The following MED12L variants were observed in gnomAD, a reference collection of about 807,000 sequenced individuals.
MED12L encodes mediator of RNA polymerase II transcription subunit 12-like protein.
MED12L carries 60 observed loss-of-function variants against 281.3 expected under a neutral mutation model. The ratio of observed to expected loss-of-function variants is 0.21; its 90% confidence interval spans 0.17 to 0.26. The LOEUF (loss-of-function observed/expected upper bound fraction) is 0.26. Among genes scored for constraint, MED12L ranks in the 10% least tolerant of loss-of-function variants. MED12L has a pLI of 1.00. For missense variants in MED12L, 2,146 were observed against 2,680.9 expected, an observed-to-expected ratio of 0.80 and a Z score of 4.41; for synonymous variants, 974 against 987.2, an observed-to-expected ratio of 0.99 and a Z score of 0.25.
chr3:151,360,726 T>C, intron 21 of MED12L, 121 bp downstream of exon 21: 5 of 838,128 alleles, frequency 6.0e-6, no homozygotes, highest in Non-Finnish European at 7.5e-6. Context: ...TATTAGGCAG[T>C]AATTTTGATA....
intron 3 of MED12L, 94 bp downstream of exon 3, chr3:151,116,536 C>A: frequency 1.3e-6 from 1 of 784,810 alleles, no homozygotes; most frequent in Non-Finnish European, 2.1e-6. Context: ...GTTGTTTAAG[C>A]CACAGTCCAT....
At chr3:151,171,018 A>G (rs938142964) in intron 11 of MED12L, among the ~76,000 whole-genome samples, 1 of 152,220 alleles carries the variant, frequency 6.6e-6, no homozygotes, top group Non-Finnish European at 1.5e-5. Context: ...TCCTGATTTT[A>G]AAATACTGTG....
chr3:151,290,705 A>G (rs1186388294), intron 16 of MED12L, among the ~76,000 whole-genome samples: 3 of 151,714 alleles, frequency 2.0e-5, no homozygotes, highest in African/African-American at 7.3e-5. Flanking sequence ...GCATTTCCAT[A>G]TTACACTGAA....
chr3:151,174,443 T>C (rs956421846), intron 11 of MED12L, among the ~76,000 whole-genome samples: 1 of 152,174 alleles, frequency 6.6e-6, no homozygotes, highest in Admixed American at 6.5e-5. Context: ...AAAAAATTAG[T>C]TGATTTAAAT....
intron 16 of MED12L, among the ~76,000 whole-genome samples, chr3:151,309,529 C>A (rs1036042750): frequency 3.3e-5 from 5 of 152,194 alleles, no homozygotes. Context: ...ACCCTCCTTA[C>A]CTTGCATTTT....
intron 16 of MED12L, among the ~76,000 whole-genome samples, chr3:151,276,582 A>G (rs1741895725): frequency 6.6e-6 from 1 of 152,192 alleles, no homozygotes; most frequent in African/African-American, 2.4e-5. Context: ...CTGGGGCCAA[A>G]TGGAATAAAC....
In MED12L at chr3:151,382,757, T is replaced by A; in HGVS notation, c.4680+12T>A. The A allele has an allele frequency of 6.3e-7, 1 of 1,593,982 alleles. No individual in the cohort carries two copies. Among genetic ancestry groups the A allele is most frequent in the Non-Finnish European group, 8.6e-7 (1 of 1,166,700 alleles). ...TCCGCCTAAATTTGGTAAGTGACATTTCTAGTATTTTCCCTCCATTAAACA... is the reference window on the plus strand; with the variant it reads ...TCCGCCTAAATTTGGTAAGTGACATATCTAGTATTTTCCCTCCATTAAACA... On this transcript the variant is annotated intron_variant, in intron 33 of 44. Transcript: ENST00000687756.
intron 2 of MED12L, among the ~76,000 whole-genome samples, chr3:151,113,931 T>A (rs184125829): frequency 6.6e-6 from 1 of 152,334 alleles, no homozygotes; most frequent in African/African-American, 2.4e-5. Context: ...TTCTTCTTGA[T>A]TAGGCCAGAA....
chr3:151,160,716 C>T (rs138631140), intron 8 of MED12L, among the ~76,000 whole-genome samples: 3 of 152,318 alleles, frequency 2.0e-5, no homozygotes, highest in Non-Finnish European at 4.4e-5. Flanking sequence ...ACATGGTCTC[C>T]ACTCTCAGAG....
rs71138494 is a variant in MED12L at position 151,334,196 on chromosome 3, C to CT, written c.2251-15852dup. 1.1e-3 allele frequency among the ~76,000 whole-genome samples: 134 copies of CT among 118,206 alleles called. 9 individuals carry two copies. In the East Asian group the frequency reaches 0.019, roughly 17 times the overall value. 77.5% of individuals were successfully genotyped at this position (118,206 alleles called of 152,430 possible). On this transcript the variant is annotated intron_variant, in intron 16 of 44. Coordinates refer to ENST00000687756, the MANE Select transcript of MED12L (RefSeq NM_001393769.1). ...TTATGTGTTTTTTCTTTCTTTCTTT[C>CT]TTTTTTTTTTTGCCATTTCTATTTC...
At chr3:151,113,709 G>A (rs1012316826) in intron 2 of MED12L, among the ~76,000 whole-genome samples, 3 of 152,176 alleles carry the variant, frequency 2.0e-5, no homozygotes, top group African/African-American at 7.2e-5. Flanking sequence ...CCTAGTTTGA[G>A]GAAAATCTGA....
At chr3:151,204,798 T>G (rs1036106105) in intron 16 of MED12L, among the ~76,000 whole-genome samples, 1 of 152,166 alleles carries the variant, frequency 6.6e-6, no homozygotes, top group African/African-American at 2.4e-5. Context: ...TTTTGACAGT[T>G]TCTGTTTTGC....
At chr3:151,123,526 C>T (rs1714075590) in intron 4 of MED12L, among the ~76,000 whole-genome samples, 1 of 152,022 alleles carries the variant, frequency 6.6e-6, no homozygotes, top group African/African-American at 2.4e-5. Context: ...AAAATCTTTG[C>T]CTTTGGTCAT....
In MED12L at chr3:151,195,953, G is replaced by A. The variant is rs549732113; in HGVS notation, c.2250+2287G>A. Among the ~76,000 whole-genome samples, 5 of 152,330 alleles carry A rather than the reference G, an allele frequency of 3.3e-5. No individual in the cohort carries two copies. The East Asian group carries it at 7.7e-4, about 23-fold the overall frequency. ...GCAAAGATGGCAAAATGTTGAAAGT[G>A]TTTGAAACTGGTTGAATGGTTGAGG... On this transcript the variant is annotated intron_variant, in intron 16 of 44. Coordinates refer to ENST00000687756, the MANE Select transcript of MED12L (RefSeq NM_001393769.1).
intron 43 of MED12L, among the ~76,000 whole-genome samples, chr3:151,429,650 G>C (rs1439690354): frequency 6.6e-6 from 1 of 152,078 alleles, no homozygotes; most frequent in East Asian, 1.9e-4. Context: ...ATAGAATCAG[G>C]GCATGTGGTC....
At position 151,402,027 on chromosome 3, in the gene MED12L, A is replaced by G. The variant is rs553553648; in HGVS notation, c.5820+7160A>G. Among the ~76,000 whole-genome samples the G allele has an allele frequency of 2.6e-5, 4 of 152,364 alleles. No individual in the cohort carries two copies. The East Asian group carries it at 7.7e-4, about 29-fold the overall frequency. On this transcript the variant is annotated intron_variant, in intron 39 of 44. Transcript: ENST00000687756. ...TGGAGGGGTGAGGAAATGAATCACC[A>G]ATACAAGCATGGCAGCTGGATCTAA...
chr3:151,118,154 G>GT (rs199697127), intron 3 of MED12L, among the ~76,000 whole-genome samples: 3 of 151,152 alleles, frequency 2.0e-5, no homozygotes, highest in African/African-American at 2.4e-5. Context: ...ATCTTTTAGG[G>GT]TTTTTTTTAT....
chr3:151,178,187 AAGTG>A (rs1386872052), intron 11 of MED12L, among the ~76,000 whole-genome samples: 1 of 149,740 alleles, frequency 6.7e-6, no homozygotes, highest in Non-Finnish European at 1.5e-5. Flanking sequence ...AAAAAAAAGA[AAGTG>A]CCAATATGAA....
At chr3:151,329,536 G>A (rs1389992268) in intron 16 of MED12L, 1 of 1,540,510 alleles carries the variant, frequency 6.5e-7, no homozygotes, top group East Asian at 2.5e-5. Context: ...CATTAGTTCA[G>A]CCTACAAATG....
Sources: gnomAD v4.1 joint callset for allele counts (sites outside exome capture counted in the v4.1 genomes callset) on GRCh38, gnomAD v4.1.1 for gene constraint, MANE v1.5 for transcripts, NCBI Gene and HGNC (gene_info 2026-07-23, HGNC 2026-07-21) for gene names.